BMP7: variants seen among roughly 807,000 people sequenced by gnomAD.
BMP7 encodes osteogenic protein 1.
In BMP7, 12 loss-of-function variants were observed where a neutral mutation model predicts 41.2. That is an observed-to-expected ratio of 0.29 (90% CI 0.19 to 0.47). The LOEUF (loss-of-function observed/expected upper bound fraction) is 0.47. BMP7 is among the 20% of genes least tolerant of loss of function. The pLI is 0.99. For missense variants in BMP7, 467 were observed against 606.0 expected, an observed-to-expected ratio of 0.77 and a Z score of 2.41; for synonymous variants, 248 against 250.0, an observed-to-expected ratio of 0.99 and a Z score of 0.07.
chr20:57,180,822 C>G (rs757150384), intron 4 of BMP7, among the ~76,000 whole-genome samples: 1 of 152,154 alleles, frequency 6.6e-6, no homozygotes, highest in South Asian at 2.1e-4. Flanking sequence ...CCAGGACACC[C>G]GCCAGGGGTC....
At chr20:57,177,333 G>C (rs1327179874) in intron 4 of BMP7, among the ~76,000 whole-genome samples, 4 of 148,532 alleles carry the variant, frequency 2.7e-5, no homozygotes, top group African/African-American at 5.0e-5. Flanking sequence ...TGAAAAGCAG[G>C]CTGCTTTTAT....
At chr20:57,202,165 T>C (rs1221091057) in intron 3 of BMP7, among the ~76,000 whole-genome samples, 1 of 152,188 alleles carries the variant, frequency 6.6e-6, no homozygotes, top group Non-Finnish European at 1.5e-5. Context: ...CAGGTTCTGA[T>C]GCAGCAGGTC....
At chr20:57,212,261 A>C (rs774518412) in intron 2 of BMP7, among the ~76,000 whole-genome samples, 3 of 152,220 alleles carry the variant, frequency 2.0e-5, no homozygotes, top group African/African-American at 7.2e-5. Context: ...AACACAGCTA[A>C]AAGGGCAGGG....
intron 1 of BMP7, among the ~76,000 whole-genome samples, chr20:57,245,166 G>T (rs1178744912): frequency 6.6e-6 from 1 of 152,116 alleles, no homozygotes; most frequent in Admixed American, 6.5e-5. Flanking sequence ...CAGATTTGGT[G>T]GGAACTGGAA....
At chr20:57,263,106 C>T (rs1439436287) in intron 1 of BMP7, among the ~76,000 whole-genome samples, 2 of 152,208 alleles carry the variant, frequency 1.3e-5, no homozygotes, top group African/African-American at 4.8e-5. Flanking sequence ...CAGCCCAGGT[C>T]TTCACCTAAC....
intron 1 of BMP7, among the ~76,000 whole-genome samples, chr20:57,236,438 A>G (rs1269817321): frequency 6.6e-6 from 1 of 152,102 alleles, no homozygotes; most frequent in Non-Finnish European, 1.5e-5. Flanking sequence ...GGTTTAGATA[A>G]CCCTGGCAAG....
chr20:57,243,063 C>A (rs1043184913), intron 1 of BMP7, among the ~76,000 whole-genome samples: 1 of 152,186 alleles, frequency 6.6e-6, no homozygotes, highest in Admixed American at 6.5e-5. Flanking sequence ...AGTGGACAGC[C>A]CAGATCACAG....
rs371153029 is a variant in BMP7, at chr20:57,190,990, A to C, written c.761-7071T>G. The stretch of plus-strand genomic sequence containing the variant: ...CAGTAGCACCTCTCCATGTCATGAC[A>C]ACCAAATATGTCTCCAGACATTGCT... On this transcript the variant is annotated intron_variant, in intron 3 of 6. Coordinates refer to ENST00000395863, the MANE Select transcript of BMP7 (RefSeq NM_001719.3). Among the ~76,000 whole-genome samples the C allele has an allele frequency of 1.6e-3, 241 of 152,270 alleles. 1 individual carries two copies. The South Asian group carries it at 0.044, about 28-fold the overall frequency.
At position 57,182,699 on chromosome 20, in the gene BMP7, C is replaced by A. The variant is rs539955450; in HGVS notation, c.958+1023G>T. Among the ~76,000 whole-genome samples the A allele has an allele frequency of 1.1e-4, 16 of 152,350 alleles. No homozygotes were observed. In the South Asian group the frequency reaches 3.3e-3, roughly 32 times the overall value. ...GTTTTCCCCTCTGTGAAGTGGGAGG[C>A]CATCTACCTCAGAGCCTCAAGAACC... On this transcript the variant is annotated intron_variant, in intron 4 of 6. Coordinates refer to ENST00000395863, the MANE Select transcript of BMP7 (RefSeq NM_001719.3).
intron 3 of BMP7, among the ~76,000 whole-genome samples, chr20:57,191,808 A>T (rs1226999819): frequency 7.0e-6 from 1 of 143,046 alleles, no homozygotes; most frequent in Admixed American, 7.2e-5. Context: ...ATATTATAGT[A>T]TATATATGTT....
Position 57,245,635 on chromosome 20 carries a change from A to ATTT in BMP7, c.419-17217_419-17215dup, listed in dbSNP as rs565788005. Reference sequence around the variant, plus strand: ...CAAATCATTGCTCCTGTGATTAGTGATTTTTTTTTTTTTTTTTTTTTGAGA... The same window carrying ATTT: ...CAAATCATTGCTCCTGTGATTAGTGATTTTTTTTTTTTTTTTTTTTTTTTGAGA... On this transcript the variant is annotated intron_variant, in intron 1 of 6. Coordinates refer to ENST00000395863, the MANE Select transcript of BMP7 (RefSeq NM_001719.3). Among the ~76,000 whole-genome samples, 369 of 118,626 alleles carry ATTT rather than the reference A, an allele frequency of 3.1e-3. 12 individuals carry two copies. Among genetic ancestry groups the ATTT allele is most frequent in the African/African-American group, 0.012 (353 of 28,904 alleles). 77.8% of individuals were successfully genotyped at this position (118,626 alleles called of 152,430 possible).
At chr20:57,207,316 G>A (rs570673531) in intron 2 of BMP7, among the ~76,000 whole-genome samples, 1 of 152,322 alleles carries the variant, frequency 6.6e-6, no homozygotes, top group East Asian at 1.9e-4. Context: ...AACCAAGCCA[G>A]TCCCCAGTGA....
Position 57,170,854 on chromosome 20 carries a change from G to T in BMP7, c.*105C>A. 7.1e-7 allele frequency: 1 copy of T among 1,415,616 alleles called. No homozygotes were observed. Among genetic ancestry groups the T allele is most frequent in the South Asian group, 1.2e-5 (1 of 82,250 alleles). The allele number at this position is 1,415,616 out of a possible 1,614,324, so 87.7% of individuals were successfully genotyped here. ...ACACCTTTAAAGTTGGGGATAGGGA[G>T]GGGAAGGTCTCACAAAAGGCAGTTG... On this transcript the variant is annotated 3_prime_UTR_variant, in exon 7 of 7. Coordinates refer to ENST00000395863, the MANE Select transcript of BMP7 (RefSeq NM_001719.3).
intron 3 of BMP7, among the ~76,000 whole-genome samples, chr20:57,193,093 G>T (rs1416393022): frequency 6.6e-6 from 1 of 152,100 alleles, no homozygotes; most frequent in Non-Finnish European, 1.5e-5. Context: ...GGTGTGTTTT[G>T]TTGCTTTTGG....
At chr20:57,231,476 C>G (rs535588841) in intron 1 of BMP7, among the ~76,000 whole-genome samples, 1 of 152,096 alleles carries the variant, frequency 6.6e-6, no homozygotes, top group Non-Finnish European at 1.5e-5. Flanking sequence ...CATGAGTATG[C>G]TAGGAGAGAG....
intron 3 of BMP7, among the ~76,000 whole-genome samples, chr20:57,198,640 C>T (rs536824243): frequency 6.6e-6 from 1 of 152,172 alleles, no homozygotes; most frequent in African/African-American, 2.4e-5. Context: ...AAAAGACGCA[C>T]GCTTCCTGGG....
intron 1 of BMP7, among the ~76,000 whole-genome samples, chr20:57,249,691 A>G (rs73915074): frequency 0.019 from 2,922 of 152,290 alleles, 35 homozygotes; most frequent in Middle Eastern, 0.041. Context: ...GGCATCTCCA[A>G]TGAATTACAG....
chr20:57,251,706 G>A (rs1254807478), intron 1 of BMP7, among the ~76,000 whole-genome samples: 2 of 152,232 alleles, frequency 1.3e-5, no homozygotes, highest in Non-Finnish European at 2.9e-5. Flanking sequence ...GGCCGAGGCA[G>A]GCAGATCCCT....
intron 3 of BMP7, among the ~76,000 whole-genome samples, chr20:57,196,789 G>A (rs1984500598): frequency 6.6e-6 from 1 of 152,090 alleles, no homozygotes; most frequent in South Asian, 2.1e-4. Context: ...GCTTGAGCCT[G>A]GACAGCCTGG....
Sources: gnomAD v4.1 joint callset for allele counts (sites outside exome capture counted in the v4.1 genomes callset) on GRCh38, gnomAD v4.1.1 for gene constraint, MANE v1.5 for transcripts, NCBI Gene and HGNC (gene_info 2026-07-23, HGNC 2026-07-21) for gene names.